Variants in ZNF331 observed in about 807,000 individuals in gnomAD.
ZNF331 encodes the protein zinc finger protein 331, also known as C2H2-like zinc finger protein rearranged in thyroid adenomas.
ZNF331 carries 2 observed loss-of-function variants against 7.0 expected under a neutral mutation model. That is an observed-to-expected ratio of 0.29 (90% CI 0.12 to 0.90). The LOEUF (loss-of-function observed/expected upper bound fraction) is 0.90. Among genes scored for constraint, ZNF331 ranks in the 40% least tolerant of loss-of-function variants. The probability of loss-of-function intolerance (pLI) is 0.58; values close to 1 mark genes in which losing one functional copy is unlikely to be tolerated. For missense variants in ZNF331, 432 were observed against 587.7 expected (o/e 0.74, Z 2.74); for synonymous variants, 196 against 205.4 (o/e 0.95, Z 0.39).
chr19:53,576,146 G>A (rs573402538), intron 5 of ZNF331, among the ~76,000 whole-genome samples: 10 of 151,994 alleles, frequency 6.6e-5, no homozygotes, highest in Admixed American at 1.3e-4. Context: ...CACCATGTCC[G>A]GCTAATTTTG....
upstream of ZNF331, among the ~76,000 whole-genome samples, chr19:53,516,268 T>C (rs1036941663): frequency 1.3e-5 from 2 of 151,988 alleles, no homozygotes; most frequent in Non-Finnish European, 2.9e-5. Flanking sequence ...CTGGCTAACA[T>C]GGTGAAACGC....
At chr19:53,508,333 C>T in the ZNF331 span, among the ~76,000 whole-genome samples, 1,689 of 152,230 alleles carry the variant, frequency 0.011, 36 homozygotes, top group African/African-American at 0.038. Flanking sequence ...TGACTCCAGC[C>T]GCACCACGTG....
chr19:53,541,103 T>C (rs936973979), intron 2 of ZNF331, among the ~76,000 whole-genome samples: 6 of 96,568 alleles, frequency 6.2e-5, no homozygotes, highest in African/African-American at 2.4e-4. Flanking sequence ...ATAATCATAT[T>C]TCTTTTCTTT....
At chr19:53,511,733 T>A in the ZNF331 span, among the ~76,000 whole-genome samples, 1 of 152,246 alleles carries the variant, frequency 6.6e-6, no homozygotes, top group East Asian at 1.9e-4. Context: ...AGTAGAAGGA[T>A]ATAAATATAT....
intron 2 of ZNF331, among the ~76,000 whole-genome samples, chr19:53,525,356 G>A (rs28789524): frequency 0.12 from 17,932 of 152,034 alleles, 1,101 homozygotes; most frequent in East Asian, 0.18. Flanking sequence ...TACCTTGGGC[G>A]GTATGGCCAT....
upstream of ZNF331, chr19:53,520,868 T>G (rs953439662): frequency 6.6e-6 from 1 of 151,798 alleles, no homozygotes; most frequent in South Asian, 2.1e-4. Flanking sequence ...CTTCCAACTC[T>G]GTGGATTTCC....
chr19:53,555,741 G>C (rs1482520349), intron 2 of ZNF331, 104 bp from the exon 3 acceptor site: 1 of 152,124 alleles, frequency 6.6e-6, no homozygotes, highest in African/African-American at 2.4e-5. Context: ...TTACCACAGC[G>C]TGCTCTTCAG....
intron 3 of ZNF331, among the ~76,000 whole-genome samples, chr19:53,557,378 C>T (rs2089503441): frequency 6.6e-6 from 1 of 152,168 alleles, no homozygotes; most frequent in Admixed American, 6.5e-5. Context: ...GTGCCATGGC[C>T]ACACATGGTG....
intron 3 of ZNF331, among the ~76,000 whole-genome samples, chr19:53,559,021 CAT>C (rs2089626043): frequency 1.3e-5 from 2 of 150,568 alleles, no homozygotes; most frequent in South Asian, 4.2e-4. Flanking sequence ...TACATACCTA[CAT>C]ATAGAGACAC....
chr19:53,507,437 G>A, the ZNF331 span, among the ~76,000 whole-genome samples: 2 of 152,056 alleles, frequency 1.3e-5, no homozygotes, highest in African/African-American at 4.8e-5. Context: ...GTGTATTCTG[G>A]GAGGAAAATG....
chr19:53,505,200 C>T, the ZNF331 span, among the ~76,000 whole-genome samples: 2 of 152,150 alleles, frequency 1.3e-5, no homozygotes, highest in African/African-American at 2.4e-5. Context: ...CCACCCACAC[C>T]GCACTACAGC....
rs551488360 is a variant in ZNF331, at chr19:53,577,067, T to C, written c.507T>C (p.Arg169=). 9.3e-6 allele frequency: 15 copies of C among 1,613,984 alleles called. No individual in the cohort carries two copies. The highest frequency in any genetic ancestry group is 2.2e-5 in the East Asian group (1 of 44,860). Residue 169 remains arginine, a synonymous_variant, in exon 6 of 6, where the codon CGT becomes CGC. Transcript: ENST00000449416. ...YECKECKKAF[R]WGNQLTQHQK... The stretch of plus-strand genomic sequence containing the variant: ...GTAAAGAATGTAAGAAGGCCTTCCG[T>C]TGGGGCAATCAGCTTACTCAACATC...
chr19:53,560,717 A>G lies in ZNF331; in HGVS notation c.-74+4809A>G, dbSNP rs1420254468. Among the ~76,000 whole-genome samples the G allele has an allele frequency of 6.6e-6, 1 of 151,966 alleles. No individual in the cohort carries two copies. Among genetic ancestry groups the G allele is most frequent in the African/African-American group, 2.4e-5 (1 of 41,358 alleles). ...CGCCGCCCACACTCCTTAGTTCGTG[A>G]CCCCTTCTTCCATCAGCAAAGCCTG... On this transcript the variant is annotated intron_variant, in intron 3 of 5. Transcript: ENST00000449416. This position sits in a 1 kb window ranked among gnomAD's most constrained non-coding sequence, Gnocchi z 4.3.
At chr19:53,520,781 T>C (rs778497148), upstream of ZNF331, among the ~76,000 whole-genome samples, 6 of 151,134 alleles carry the variant, frequency 4.0e-5, no homozygotes, top group Non-Finnish European at 7.4e-5. Flanking sequence ...GGTTATGAGC[T>C]ACATTTCCCA....
chr19:53,515,633 G>T (rs901863729), upstream of ZNF331, among the ~76,000 whole-genome samples: 2 of 152,176 alleles, frequency 1.3e-5, no homozygotes, highest in Middle Eastern at 3.2e-3. Context: ...GAGTAGCTGG[G>T]ATTACAGGCA....
chr19:53,514,892 C>T (rs975014806), upstream of ZNF331, among the ~76,000 whole-genome samples: 35 of 152,230 alleles, frequency 2.3e-4, no homozygotes, highest in African/African-American at 8.4e-4. Flanking sequence ...CCTCCTGATT[C>T]ACCCGCTTCG....
rs571376779 is a variant in ZNF331, at chr19:53,532,298, G to A, written c.-204-6918G>A. Reference sequence around the variant, plus strand: ...ATCATTCCACTCTTTGCTTCTATGAGTTCAGCTTTTTGACACTTAAATAGG... The same window carrying A: ...ATCATTCCACTCTTTGCTTCTATGAATTCAGCTTTTTGACACTTAAATAGG... On this transcript the variant is annotated intron_variant, in intron 2 of 6. Coordinates refer to the ZNF331 transcript ENST00000253144. Among the ~76,000 whole-genome samples, 31 of 152,206 alleles carry A rather than the reference G, an allele frequency of 2.0e-4. 2 individuals are homozygous for A. In the South Asian group the frequency reaches 6.4e-3, roughly 32 times the overall value.
intron 3 of ZNF331, among the ~76,000 whole-genome samples, chr19:53,566,864 A>AT (rs1319984268): frequency 1.3e-5 from 2 of 150,832 alleles, no homozygotes; most frequent in Non-Finnish European, 3.0e-5. Flanking sequence ...TATTTTATTT[A>AT]TTTTTCTACT....
At chr19:53,575,752 C>T (rs571695312) in intron 5 of ZNF331, among the ~76,000 whole-genome samples, 1 of 151,882 alleles carries the variant, frequency 6.6e-6, no homozygotes, top group East Asian at 1.9e-4. Flanking sequence ...GGCACAATCT[C>T]GGCTCACCGC....
Sources: gnomAD v4.1 joint callset for allele counts (sites outside exome capture counted in the v4.1 genomes callset) on GRCh38, gnomAD v4.1.1 for gene constraint, Gnocchi (gnomAD v3.1) non-coding constraint, MANE v1.5 for transcripts, NCBI Gene and HGNC (gene_info 2026-07-23, HGNC 2026-07-21) for gene names.